MEGF8: variants seen among roughly 807,000 people sequenced by gnomAD.
MEGF8 encodes multiple epidermal growth factor-like domains protein 8.
Under a neutral mutation model 302.9 loss-of-function variants are expected in MEGF8, and 156 were observed. The ratio of observed to expected loss-of-function variants is 0.52; its 90% CI spans 0.45 to 0.59. The LOEUF is 0.59. Ranked by LOEUF, MEGF8 falls within the 20% of genes least tolerant of loss-of-function variation. The probability of loss-of-function intolerance (pLI) is 0.00; values close to 1 mark genes in which losing one functional copy is unlikely to be tolerated. For synonymous variants in MEGF8, 1,621 were observed against 1,660.5 expected (o/e 0.98, Z 0.58); for missense variants, 3,345 against 3,964.5 (o/e 0.84, Z 4.20).
At position 42,369,019 on chromosome 19, in the gene MEGF8, C is replaced by T. The variant is rs771832293; in HGVS notation, c.6641+17C>T. 2.2e-5 allele frequency: 35 copies of T among 1,611,316 alleles called. No homozygotes were observed. The Middle Eastern group carries it at 8.2e-4, about 38-fold the overall frequency. ...CATGGACAAGTGAGGCCGCAGGCGG[C>T]GCTGGGGCCAGGCAGGCTAGGGTGG... On this transcript the variant is annotated intron_variant, in intron 37 of 41. Coordinates refer to ENST00000251268, the MANE Select transcript of MEGF8 (RefSeq NM_001271938.2). The surrounding 1 kb of genome is among the most constrained non-coding windows in gnomAD (Gnocchi z 5.7).
At position 42,353,643 on chromosome 19, in the gene MEGF8, G is replaced by T; in HGVS notation, c.3729G>T (p.Gln1243His). 2 of 1,581,312 alleles carry T rather than the reference G, an allele frequency of 1.3e-6. No individual in the cohort carries two copies. The highest frequency in any genetic ancestry group is 8.6e-7 in the Non-Finnish European group (1 of 1,161,496). Residue 1243 changes from glutamine (Q) to histidine (H), a missense_variant, in exon 21 of 42, where the codon CAG (glutamine) becomes CAT (histidine). Physicochemically the swap from Gln to His is conservative, Grantham distance 24 (BLOSUM62 0). Transcript: ENST00000251268. This position sits in a 1 kb window ranked among gnomAD's most constrained non-coding sequence, Gnocchi z 6.1. ...ACCACACCGAGGGTGCCCACTGCCA[G>T]CTCTGCTCCCCAGGCTATTATGGGG... ...CQDHTEGAHC[Q>H]LCSPGYYGDP...
chr19:42,373,264 T>G (rs2039717604), intron 41 of MEGF8, among the ~76,000 whole-genome samples: 1 of 149,832 alleles, frequency 6.7e-6, no homozygotes, highest in African/African-American at 2.4e-5. Context: ...CGCTAATTTT[T>G]GTATTTTTAG....
In MEGF8 at chr19:42,366,558, CCTT is replaced by C. The variant is rs538275544; in HGVS notation, c.6274-1894_6274-1892del. 9.2e-4 allele frequency among the ~76,000 whole-genome samples: 140 copies of C among 152,316 alleles called. 1 individual carries two copies. The highest frequency in any genetic ancestry group is 3.2e-3 in the African/African-American group (131 of 41,566). On this transcript the variant is annotated intron_variant, in intron 35 of 41. Coordinates refer to ENST00000251268, the MANE Select transcript of MEGF8 (RefSeq NM_001271938.2). The stretch of plus-strand genomic sequence containing the variant: ...GTCTGGGGCAGGCAGCGGAGACACT[CCTT>C]CTCTGGTCTGCCTCCTTCCTCTCAT...
intron 38 of MEGF8, among the ~76,000 whole-genome samples, 181 bp from the exon 39 acceptor site, chr19:42,370,008 A>G (rs1227612082): frequency 6.6e-6 from 1 of 152,166 alleles, no homozygotes; most frequent in Non-Finnish European, 1.5e-5. Flanking sequence ...TGAACTCAGC[A>G]CTTTGGGCTG....
Position 42,336,977 on chromosome 19 carries a change from T to C in MEGF8, c.1390+25T>C. On this transcript the variant is annotated intron_variant, in intron 7 of 41. Coordinates refer to ENST00000251268, the MANE Select transcript of MEGF8 (RefSeq NM_001271938.2). The surrounding 1 kb of genome is among the most constrained non-coding windows in gnomAD (Gnocchi z 4.8). ...GGTGAGGAGGCTCCCCAATCCTGCC[T>C]GCCTGCCTGCTGAGGGCCTGAGCCA... 1 of 1,613,726 alleles carries C rather than the reference T, an allele frequency of 6.2e-7. No individual in the cohort carries two copies. Among genetic ancestry groups the C allele is most frequent in the South Asian group, 1.1e-5 (1 of 91,068 alleles).
chr19:42,376,142 C>A lies in MEGF8; in HGVS notation c.7905C>A (p.Gly2635=). 1 of 1,609,710 alleles carries A rather than the reference C, an allele frequency of 6.2e-7. No homozygotes were observed. The highest frequency in any genetic ancestry group is 2.2e-5 in the East Asian group (1 of 44,872). The change falls in exon 42 of 42, where the codon GGC becomes GGA. Residue 2635 remains glycine, a synonymous_variant. Transcript: ENST00000251268. This position sits in a 1 kb window ranked among gnomAD's most constrained non-coding sequence, Gnocchi z 8.2. ...PGANGSADSQ[G]LLFFRQDQAH... ...CCAACGGCTCAGCCGACTCGCAGGG[C>A]CTGCTCTTCTTCCGGCAGGACCAGG...
At chr19:42,361,200 C>T (rs928674172) in intron 32 of MEGF8, among the ~76,000 whole-genome samples, 194 bp downstream of exon 32, 3 of 152,182 alleles carry the variant, frequency 2.0e-5, no homozygotes, top group Non-Finnish European at 4.4e-5. Context: ...TGCAAGAATG[C>T]TTGCTGGAGG....
chr19:42,372,760 C>G (rs2039710038), intron 41 of MEGF8, among the ~76,000 whole-genome samples: 1 of 152,002 alleles, frequency 6.6e-6, no homozygotes, highest in Non-Finnish European at 1.5e-5. Flanking sequence ...GCAGCCTCCA[C>G]CTCCTGGGTT....
In MEGF8 at chr19:42,371,378, T is replaced by C. The variant is rs1391143394; in HGVS notation, c.7165T>C (p.Cys2389Arg). The C allele has an allele frequency of 6.2e-7, 1 of 1,613,848 alleles. No homozygotes were observed. Among genetic ancestry groups the C allele is most frequent in the Non-Finnish European group, 8.5e-7 (1 of 1,179,854 alleles). Reference protein sequence around the residue: ...KCQCNGHADTCNEQDGTGCPC... With the variant: ...KCQCNGHADTRNEQDGTGCPC... ...CCAGTGTAATGGCCACGCGGACACA[T>C]GTAACGAGCAGGATGGGACGGGCTG... Residue 2389 changes from cysteine (C) to arginine (R), a missense_variant, in exon 41 of 42, where the codon TGT (cysteine) becomes CGT (arginine). Coordinates refer to ENST00000251268, the MANE Select transcript of MEGF8 (RefSeq NM_001271938.2).
chr19:42,353,474 G>A lies in MEGF8; in HGVS notation c.3560G>A (p.Trp1187Ter), dbSNP rs753199102. 6.2e-7 allele frequency: 1 copy of A among 1,610,302 alleles called. No homozygotes were observed. The highest frequency in any genetic ancestry group is 8.5e-7 in the Non-Finnish European group (1 of 1,179,272). Residue 1187 changes from tryptophan (W) to a stop codon, truncating the protein, a stop_gained, in exon 21 of 42, where the codon TGG becomes TAG. Coordinates refer to ENST00000251268, the MANE Select transcript of MEGF8 (RefSeq NM_001271938.2). LOFTEE classifies it high-confidence loss of function. This position sits in a 1 kb window ranked among gnomAD's most constrained non-coding sequence, Gnocchi z 6.1. ...GFCDECQDWT[W>*]GEHCERCRPG... ...GCTGGGGCCTCCACAGACTGGACAT[G>A]GGGGGAGCACTGCGAACGATGCCGG...
chr19:42,370,231 G>T lies in MEGF8; in HGVS notation c.6877G>T (p.Ala2293Ser), dbSNP rs1179202451. ...EQCLPLFVGS[A>S]VGGGTCRPCH... ...GTGCCTCCCGCTGTTTGTGGGTTCA[G>T]CTGTCGGAGGCGGGACCTGCCGGCC... is the stretch of plus-strand genomic sequence containing the variant. The change falls in exon 39 of 42, where the codon GCT (alanine) becomes TCT (serine). Residue 2293 changes from alanine (A) to serine (S), a missense_variant. By Grantham distance (99) the Ala-to-Ser change is moderately conservative (BLOSUM62 1). Coordinates refer to ENST00000251268, the MANE Select transcript of MEGF8 (RefSeq NM_001271938.2). 1 of 1,613,766 alleles carries T rather than the reference G, an allele frequency of 6.2e-7. No individual in the cohort carries two copies. Among genetic ancestry groups the T allele is most frequent in the Admixed American group, 1.7e-5 (1 of 60,004 alleles).
At position 42,352,718 on chromosome 19, in the gene MEGF8, A is replaced by C; in HGVS notation, c.3351-210A>C. On this transcript the variant is annotated intron_variant, in intron 19 of 41. Coordinates refer to ENST00000251268, the MANE Select transcript of MEGF8 (RefSeq NM_001271938.2). This position sits in a 1 kb window ranked among gnomAD's most constrained non-coding sequence, Gnocchi z 4.4. ...ATGGAGGCGGAGGAGGACCTAGTTGAAAGAGGTTTTCACAGTGGTGCTATG... is the reference window on the plus strand; with the variant it reads ...ATGGAGGCGGAGGAGGACCTAGTTGCAAGAGGTTTTCACAGTGGTGCTATG... 1.6e-6 allele frequency: 1 copy of C among 638,666 alleles called. No individual in the cohort carries two copies. Among genetic ancestry groups the C allele is most frequent in the Non-Finnish European group, 2.7e-6 (1 of 371,816 alleles). 39.6% of individuals were successfully genotyped at this position (638,666 alleles called of 1,614,324 possible). A position where few individuals can be genotyped will look rare whatever the true frequency, so the allele number is the denominator to read the frequency against.
chr19:42,332,826 C>G (rs1443856882), intron 1 of MEGF8, among the ~76,000 whole-genome samples: 1 of 152,180 alleles, frequency 6.6e-6, no homozygotes, highest in Middle Eastern at 3.2e-3. Flanking sequence ...TTCCCAGATA[C>G]GAGAGGCAGG....
intron 31 of MEGF8, 47 bp downstream of exon 31, chr19:42,359,289 G>A: frequency 6.7e-7 from 1 of 1,485,410 alleles, no homozygotes; most frequent in Non-Finnish European, 9.0e-7. Flanking sequence ...CATCCAGGAG[G>A]AGCCCCATCC....
chr19:42,327,045 TTC>T (rs2038993980), intron 1 of MEGF8, among the ~76,000 whole-genome samples: 1 of 152,194 alleles, frequency 6.6e-6, no homozygotes. Context: ...GTGGTTTTCT[TTC>T]TCTGAGGTTC....
chr19:42,366,146 T>G (rs1238936503), intron 35 of MEGF8, among the ~76,000 whole-genome samples: 2 of 152,152 alleles, frequency 1.3e-5, no homozygotes, highest in Non-Finnish European at 2.9e-5. Flanking sequence ...GGCGTGCAGG[T>G]GATACCTGTT....
chr19:42,372,965 A>T (rs568438529), intron 41 of MEGF8, among the ~76,000 whole-genome samples: 138 of 147,454 alleles, frequency 9.4e-4, no homozygotes, highest in Admixed American at 2.2e-3. Flanking sequence ...GAGCCACCAC[A>T]CCCAGCCCAG....
intron 13 of MEGF8, among the ~76,000 whole-genome samples, chr19:42,349,169 A>G (rs990211344): frequency 2.0e-5 from 3 of 152,084 alleles, no homozygotes; most frequent in African/African-American, 4.8e-5. Flanking sequence ...CCATGGTAGC[A>G]TGCACCTGTA....
In MEGF8 at chr19:42,370,796, G is replaced by T; in HGVS notation, c.7101G>T (p.Leu2367=). ...ATGGGGAGAAATGCGAGAGCTGCCT[G>T]CAGGGCTACTTCCTCCTGGACGGGA... is the stretch of plus-strand genomic sequence containing the variant. The part of the protein sequence containing the change: ...NSYGEKCESC[L]QGYFLLDGKC... Residue 2367 remains leucine (L), a synonymous_variant, in exon 40 of 42, where the codon CTG becomes CTT. Transcript: ENST00000251268. 7.0e-7 allele frequency: 1 copy of T among 1,429,862 alleles called. No individual in the cohort carries two copies. Among genetic ancestry groups the T allele is most frequent in the East Asian group, 2.5e-5 (1 of 39,862 alleles). 88.6% of individuals were successfully genotyped at this position (1,429,862 alleles called of 1,614,324 possible).
Sources: allele counts gnomAD v4.1 joint callset (sites outside exome capture counted in the v4.1 genomes callset), GRCh38; gene constraint gnomAD v4.1.1; non-coding constraint Gnocchi (gnomAD v3.1); transcripts MANE v1.5; gene names NCBI Gene and HGNC (gene_info 2026-07-23, HGNC 2026-07-21).